HPS4: variants seen among roughly 807,000 people sequenced by gnomAD.
HPS4 encodes BLOC-3 complex member HPS4.
In HPS4, 44 loss-of-function variants were observed where a neutral mutation model predicts 70.3. The ratio of observed to expected loss-of-function variants is 0.63; its 90% CI spans 0.49 to 0.80. The LOEUF is 0.80. HPS4 is among the 30% of genes least tolerant of loss of function. HPS4 has a pLI of 0.00. For synonymous variants in HPS4, 377 were observed against 355.9 expected (o/e 1.06, Z -0.67); for missense variants, 873 against 884.4 (o/e 0.99, Z 0.16).
chr22:26,452,161 A>G lies in HPS4; in HGVS notation c.*1072T>C. On this transcript the variant is annotated 3_prime_UTR_variant, in exon 14 of 14. Coordinates refer to ENST00000398145, the MANE Select transcript of HPS4 (RefSeq NM_022081.6). ...AAGCTTGTTTCAAGAAAAAGACACC[A>G]TATCATAAACATCAGATATCAGTTC... is the stretch of plus-strand genomic sequence containing the variant. 8.9e-6 allele frequency: 3 copies of G among 337,442 alleles called. No homozygotes were observed. Among genetic ancestry groups the G allele is most frequent in the South Asian group, 4.5e-5 (2 of 44,326 alleles). 20.9% of individuals were successfully genotyped at this position (337,442 alleles called of 1,614,324 possible).
chr22:26,450,047 G>A (rs930293633), downstream of HPS4, among the ~76,000 whole-genome samples: 6 of 152,112 alleles, frequency 3.9e-5, no homozygotes, highest in African/African-American at 1.2e-4. Flanking sequence ...CCTTCTCCAC[G>A]TGAGTAACCT....
downstream of HPS4, among the ~76,000 whole-genome samples, chr22:26,446,377 T>C (rs1370516700): frequency 6.6e-6 from 1 of 151,004 alleles, no homozygotes; most frequent in Non-Finnish European, 1.5e-5. Context: ...TAACACTGAG[T>C]GCTCCGTAGC....
chr22:26,473,741 C>CA (rs376818517), intron 4 of HPS4, among the ~76,000 whole-genome samples: 62 of 137,532 alleles, frequency 4.5e-4, no homozygotes, highest in East Asian at 1.4e-3. Flanking sequence ...GACACCGTCT[C>CA]AAAAAAAAAA....
rs1035029671 is a variant in HPS4 at position 26,451,208 on chromosome 22, G to A, written c.*2025C>T. Among the ~76,000 whole-genome samples the A allele has an allele frequency of 6.6e-6, 1 of 152,304 alleles. No homozygotes were observed. The highest frequency in any genetic ancestry group is 1.9e-4 in the East Asian group (1 of 5,182). On this transcript the variant is annotated 3_prime_UTR_variant, in exon 14 of 14. Transcript: ENST00000398145. Reference sequence around the variant, plus strand: ...AGAACATGCTGCTTGGCTGTCCGTCGCTTGGCCCGTACTCTGGGGGCGCTA... The same window carrying A: ...AGAACATGCTGCTTGGCTGTCCGTCACTTGGCCCGTACTCTGGGGGCGCTA...
intron 9 of HPS4, 103 bp from the exon 10 acceptor site, chr22:26,465,654 G>A (rs968104063): frequency 1.3e-5 from 12 of 920,594 alleles, no homozygotes; most frequent in African/African-American, 8.1e-5. Flanking sequence ...ACGTGGGCTC[G>A]GAAAGGGGTG....
Position 26,466,276 on chromosome 22 carries a change from C to T in HPS4, c.670-14G>A, listed in dbSNP as rs367892634. The T allele has an allele frequency of 8.1e-6, 13 of 1,614,074 alleles. No individual in the cohort carries two copies. The highest frequency in any genetic ancestry group is 7.6e-6 in the Non-Finnish European group (9 of 1,179,934). On this transcript the variant is annotated splice_polypyrimidine_tract_variant and intron_variant, in intron 8 of 13. Transcript: ENST00000398145. ...CGTAGGGAGTCTCTGAAAACAAACA[C>T]ACACAGAAGTTGGCGCTGGGCACCA...
intron 3 of HPS4, among the ~76,000 whole-genome samples, chr22:26,445,393 T>C (rs1315982773): frequency 6.6e-6 from 1 of 151,928 alleles, no homozygotes; most frequent in Non-Finnish European, 1.5e-5. Context: ...GTGTTTTGAG[T>C]GATGTCACAG....
At chr22:26,461,317 T>C (rs897051368) in intron 11 of HPS4, among the ~76,000 whole-genome samples, 1 of 152,218 alleles carries the variant, frequency 6.6e-6, no homozygotes. Context: ...TAGTGATAAA[T>C]AATTAATCTG....
chr22:26,455,118 T>G (rs1169238904), intron 13 of HPS4, among the ~76,000 whole-genome samples: 1 of 151,068 alleles, frequency 6.6e-6, no homozygotes, highest in Non-Finnish European at 1.5e-5. Context: ...ATAGGAACAC[T>G]TTTACACTGT....
chr22:26,476,850 C>T (rs1215726869), intron 4 of HPS4, 143 bp downstream of exon 4: 1 of 852,592 alleles, frequency 1.2e-6, no homozygotes, highest in South Asian at 1.4e-5. Context: ...GAGAGTACCA[C>T]AGGAAGCGAG....
chr22:26,453,495 G>T, intron 13 of HPS4, 91 bp from the exon 14 acceptor site: 1 of 1,369,286 alleles, frequency 7.3e-7, no homozygotes, highest in Non-Finnish European at 1.0e-6. Flanking sequence ...TGTCACAGAG[G>T]ACCCAGGACA....
intron 4 of HPS4, among the ~76,000 whole-genome samples, chr22:26,473,761 C>T (rs1280357799): frequency 6.6e-6 from 1 of 152,060 alleles, no homozygotes; most frequent in Non-Finnish European, 1.5e-5. Flanking sequence ...AAAGTACTTG[C>T]TGAGTTAGAA....
chr22:26,467,241 G>A (rs141319241), intron 8 of HPS4: 1 of 152,206 alleles, frequency 6.6e-6, no homozygotes, highest in Non-Finnish European at 1.5e-5. Context: ...CCAGTAATTA[G>A]TAAACTTTCT....
intron 4 of HPS4, chr22:26,476,012 C>T (rs1445296664): frequency 2.6e-5 from 4 of 151,948 alleles, no homozygotes; most frequent in Non-Finnish European, 5.9e-5. Flanking sequence ...CTCAGCACTC[C>T]AGCCTGAGCA....
chr22:26,480,864 C>T (rs6005058), intron 2 of HPS4, among the ~76,000 whole-genome samples: 11,643 of 152,038 alleles, frequency 0.077, 521 homozygotes, highest in Middle Eastern at 0.13. Context: ...GCTACAGTGA[C>T]CTGAGATCAT....
intron 11 of HPS4, among the ~76,000 whole-genome samples, chr22:26,458,818 C>A: frequency 1.4e-5 from 2 of 146,524 alleles, no homozygotes. Flanking sequence ...GAGACTCTGT[C>A]TCGAAAAAAA....
chr22:26,480,635 G>A (rs1039222517), intron 2 of HPS4, among the ~76,000 whole-genome samples: 1 of 152,102 alleles, frequency 6.6e-6, no homozygotes, highest in Non-Finnish European at 1.5e-5. Context: ...GCACCAACTT[G>A]GCTGGGCACA....
chr22:26,478,347 T>C (rs2090844631), intron 3 of HPS4, among the ~76,000 whole-genome samples: 1 of 151,374 alleles, frequency 6.6e-6, no homozygotes, highest in African/African-American at 2.4e-5. Flanking sequence ...CTGAGGTGGG[T>C]GGATCACGAG....
At chr22:26,450,285 G>A (rs758869457), downstream of HPS4, among the ~76,000 whole-genome samples, 22 of 152,324 alleles carry the variant, frequency 1.4e-4, no homozygotes, top group Non-Finnish European at 2.5e-4. Context: ...GCTCACACCA[G>A]AGAAAGGTCT....
Sources: allele counts gnomAD v4.1 joint callset (sites outside exome capture counted in the v4.1 genomes callset), GRCh38; gene constraint gnomAD v4.1.1; transcripts MANE v1.5; gene names NCBI Gene and HGNC (gene_info 2026-07-23, HGNC 2026-07-21).